PRR16: variants seen among roughly 807,000 people sequenced by gnomAD.
PRR16 encodes protein Largen.
In PRR16, 6 loss-of-function variants were observed where a neutral mutation model predicts 18.2. The observed-to-expected ratio is 0.33, with a 90% CI of 0.18 to 0.65. The LOEUF (loss-of-function observed/expected upper bound fraction) is 0.65, where lower values mean the gene tolerates loss of function less well. PRR16 is among the 30% of genes least tolerant of loss of function. The pLI is 0.74. For missense variants in PRR16, 412 were observed against 376.6 expected (o/e 1.09, Z -0.78); for synonymous variants, 151 against 147.8 (o/e 1.02, Z -0.16).
At chr5:120,684,759 T>C (rs563859704) in intron 1 of PRR16, among the ~76,000 whole-genome samples, 2 of 152,284 alleles carry the variant, frequency 1.3e-5, no homozygotes, top group East Asian at 3.9e-4. Context: ...GTTGCCCTGT[T>C]ATGGGAGATG....
At chr5:120,784,078 A>T in the PRR16 span, among the ~76,000 whole-genome samples, 1 of 152,176 alleles carries the variant, frequency 6.6e-6, no homozygotes, top group Non-Finnish European at 1.5e-5. Context: ...CATTGTATAT[A>T]TGTTCTACTT....
At chr5:120,553,455 T>C (rs540930258) in intron 1 of PRR16, among the ~76,000 whole-genome samples, 1 of 152,012 alleles carries the variant, frequency 6.6e-6, no homozygotes, top group African/African-American at 2.4e-5. Flanking sequence ...TTTCTCTTGT[T>C]TAAAAAATAA....
At position 120,634,253 on chromosome 5, in the gene PRR16, A is replaced by T. The variant is rs1012255147; in HGVS notation, c.160-51701A>T. The stretch of plus-strand genomic sequence containing the variant: ...AACGATAATAGTGACACAACCTATC[A>T]CTACTTCAAACTGAATGATAGTAGT... On this transcript the variant is annotated intron_variant, in intron 1 of 1. Transcript: ENST00000407149. 2.3e-4 allele frequency among the ~76,000 whole-genome samples: 35 copies of T among 152,174 alleles called. 1 individual carries two copies. Among genetic ancestry groups the T allele is most frequent in the Admixed American group, 2.0e-3 (31 of 15,278 alleles).
chr5:120,751,583 A>C, the PRR16 span, among the ~76,000 whole-genome samples: 2 of 151,986 alleles, frequency 1.3e-5, no homozygotes, highest in Admixed American at 1.3e-4. Flanking sequence ...ATTCCTTTTC[A>C]TAATGGTGTA....
intron 1 of PRR16, among the ~76,000 whole-genome samples, chr5:120,505,946 GTATATATATATA>G (rs10635515): frequency 7.1e-6 from 1 of 141,306 alleles, no homozygotes; most frequent in Non-Finnish European, 1.5e-5. Context: ...GTGTGTGTGT[GTATATATATATA>G]TATATATATA....
At chr5:120,742,503 TTA>T in the PRR16 span, among the ~76,000 whole-genome samples, 1 of 149,132 alleles carries the variant, frequency 6.7e-6, no homozygotes. Flanking sequence ...AAATTATTTT[TTA>T]GTTTTATTTT....
chr5:120,693,525 G>A, the PRR16 span, among the ~76,000 whole-genome samples: 1 of 152,198 alleles, frequency 6.6e-6, no homozygotes, highest in South Asian at 2.1e-4. Flanking sequence ...CAAGTCTGCA[G>A]TCTTCAGAGT....
the PRR16 span, among the ~76,000 whole-genome samples, chr5:120,736,585 A>G: frequency 1.3e-5 from 1 of 76,282 alleles, no homozygotes; most frequent in Non-Finnish European, 2.4e-5. Context: ...GTCCCTGGAG[A>G]TTTTATATGA....
chr5:120,569,847 T>A (rs969749814), intron 1 of PRR16, among the ~76,000 whole-genome samples: 1 of 152,052 alleles, frequency 6.6e-6, no homozygotes, highest in East Asian at 1.9e-4. Context: ...AGTAAAGGGT[T>A]GATATACAGA....
chr5:120,537,421 C>A (rs1347324739), intron 1 of PRR16, among the ~76,000 whole-genome samples: 1 of 152,140 alleles, frequency 6.6e-6, no homozygotes, highest in African/African-American at 2.4e-5. Context: ...TAAAATTCCT[C>A]AATTACTACA....
chr5:120,537,487 A>T (rs1266514798), intron 1 of PRR16, among the ~76,000 whole-genome samples: 4 of 152,070 alleles, frequency 2.6e-5, no homozygotes, highest in Admixed American at 2.0e-4. Flanking sequence ...GTATTGCACA[A>T]ATGTTACCCA....
At chr5:120,754,413 C>CTATATAG in the PRR16 span, among the ~76,000 whole-genome samples, 68 of 24,144 alleles carry the variant, frequency 2.8e-3, 1 homozygote, top group East Asian at 8.8e-3. Flanking sequence ...ATACTATATA[C>CTATATAG]TATATATTAT....
chr5:120,545,208 G>A (rs1752038070), intron 1 of PRR16, among the ~76,000 whole-genome samples: 1 of 151,990 alleles, frequency 6.6e-6, no homozygotes, highest in African/African-American at 2.4e-5. Flanking sequence ...ACAGAGCTGT[G>A]TCCATAAGCA....
chr5:120,487,919 T>C (rs570757807), intron 1 of PRR16, among the ~76,000 whole-genome samples: 1 of 152,324 alleles, frequency 6.6e-6, no homozygotes, highest in East Asian at 1.9e-4. Context: ...GCGGTTTTTG[T>C]CTTTGTTTCT....
At chr5:120,623,501 C>A (rs1190058513) in intron 1 of PRR16, among the ~76,000 whole-genome samples, 12 of 152,092 alleles carry the variant, frequency 7.9e-5, no homozygotes, top group Non-Finnish European at 4.4e-5. Context: ...TACTCAGTTT[C>A]TTCTTGTGCA....
At chr5:120,536,442 C>G (rs1307432039) in intron 1 of PRR16, among the ~76,000 whole-genome samples, 1 of 152,020 alleles carries the variant, frequency 6.6e-6, no homozygotes, top group Non-Finnish European at 1.5e-5. Flanking sequence ...CTTTATTTTT[C>G]CAGTTAAATA....
At chr5:120,616,650 T>A (rs547900424) in intron 1 of PRR16, among the ~76,000 whole-genome samples, 82 of 152,192 alleles carry the variant, frequency 5.4e-4, no homozygotes, top group Non-Finnish European at 1.1e-3. Flanking sequence ...TATGCTTGAC[T>A]GTCTCTTCCT....
At chr5:120,466,140 C>T (rs1411165565) in intron 1 of PRR16, among the ~76,000 whole-genome samples, 1 of 152,188 alleles carries the variant, frequency 6.6e-6, no homozygotes, top group Admixed American at 6.5e-5. Context: ...AAAACTTGTT[C>T]GTGTTTTCAG....
At chr5:120,641,590 A>C (rs969787423) in intron 1 of PRR16, among the ~76,000 whole-genome samples, 3 of 152,128 alleles carry the variant, frequency 2.0e-5, no homozygotes, top group Non-Finnish European at 4.4e-5. Context: ...GGATTCTTGC[A>C]AAAGAATGCT....
Sources: gnomAD v4.1 joint callset for allele counts (sites outside exome capture counted in the v4.1 genomes callset) on GRCh38, gnomAD v4.1.1 for gene constraint, MANE v1.5 for transcripts, NCBI Gene and HGNC (gene_info 2026-07-23, HGNC 2026-07-21) for gene names.